Variants in COL6A5 observed in about 807,000 individuals in gnomAD.
COL6A5 encodes the protein collagen type VI alpha 5 chain.
COL6A5 carries 48 observed loss-of-function variants against 65.6 expected under a neutral mutation model. That is an observed-to-expected ratio of 0.73 (90% CI 0.58 to 0.93). The LOEUF is 0.93. COL6A5 is among the 40% of genes least tolerant of loss of function. The pLI is 0.00. For missense variants in COL6A5, 914 were observed against 928.3 expected (o/e 0.98, Z 0.20); for synonymous variants, 291 against 322.8 (o/e 0.90, Z 1.05).
intron 10 of COL6A5, 148 bp from the exon 11 acceptor site, chr3:130,400,883 A>G (rs1053576392): frequency 3.5e-6 from 2 of 574,628 alleles, no homozygotes; most frequent in Non-Finnish European, 5.6e-6. Flanking sequence ...TAGTTTCTTC[A>G]TATGTCAGGA....
chr3:130,370,635 A>G (rs1194448598), intron 1 of COL6A5, among the ~76,000 whole-genome samples: 1 of 152,236 alleles, frequency 6.6e-6, no homozygotes, highest in Non-Finnish European at 1.5e-5. Context: ...TAATCAGAAT[A>G]ACTTATACAA....
At chr3:130,391,596 G>T (rs571899016) in exon 7 of COL6A5, 6 of 1,551,544 alleles carry the variant, frequency 3.9e-6, no homozygotes, top group Non-Finnish European at 5.2e-6. Context: ...AGAAACAAAG[G>T]CATCACCATC....
rs182005492 is a variant in COL6A5 at position 130,446,968 on chromosome 3, T to C, written c.1332+3402T>C. 2.4e-3 allele frequency among the ~76,000 whole-genome samples: 361 copies of C among 152,264 alleles called. 6 individuals carry two copies. Among genetic ancestry groups the C allele is most frequent in the East Asian group, 0.011 (57 of 5,168 alleles). Reference sequence around the variant, plus strand: ...TTGGGAGTGGGGAGTAGTTAAATCATGTTTTGGTTGTTCAGACTGTTTGGA... The same window carrying C: ...TTGGGAGTGGGGAGTAGTTAAATCACGTTTTGGTTGTTCAGACTGTTTGGA... On this transcript the variant is annotated intron_variant, in intron 4 of 7. Coordinates refer to ENST00000512836, the Ensembl canonical transcript of COL6A5.
chr3:130,470,255 C>G (rs968463159), intron 6 of COL6A5, among the ~76,000 whole-genome samples: 1 of 152,036 alleles, frequency 6.6e-6, no homozygotes, highest in African/African-American at 2.4e-5. Context: ...CTTGTAAGAT[C>G]AAACAAGTCC....
At chr3:130,389,252 T>G in intron 6 of COL6A5, 118 bp downstream of exon 6, 1 of 602,778 alleles carries the variant, frequency 1.7e-6, no homozygotes, top group Non-Finnish European at 2.5e-6. Flanking sequence ...TAAGTTTTGG[T>G]CTTCTTTATG....
At chr3:130,415,130 G>T (rs1480065110) in intron 22 of COL6A5, among the ~76,000 whole-genome samples, 2 of 152,084 alleles carry the variant, frequency 1.3e-5, no homozygotes, top group Non-Finnish European at 2.9e-5. Context: ...AAACGTTACT[G>T]CCACCTCTAG....
intron 7 of COL6A5, among the ~76,000 whole-genome samples, chr3:130,480,136 A>T (rs1024359650): frequency 9.9e-5 from 15 of 152,086 alleles, no homozygotes; most frequent in Admixed American, 9.2e-4. Flanking sequence ...ATCAATTCTG[A>T]TATTAAATCT....
chr3:130,390,261 A>G (rs559931072), intron 6 of COL6A5, among the ~76,000 whole-genome samples: 1 of 152,280 alleles, frequency 6.6e-6, no homozygotes, highest in Admixed American at 6.5e-5. Context: ...TGACTCATGC[A>G]TTAGATTGTC....
chr3:130,410,416 G>A, intron 19 of COL6A5, 55 bp from the exon 20 acceptor site: 12 of 1,335,732 alleles, frequency 9.0e-6, no homozygotes, highest in Non-Finnish European at 1.3e-5. Context: ...TGATGCCTTT[G>A]TGATTTATTC....
Position 130,431,481 on chromosome 3 carries a change from T to A in COL6A5, c.21T>A (p.Tyr7Ter). 2 of 1,550,526 alleles carry A rather than the reference T, an allele frequency of 1.3e-6. No individual in the cohort carries two copies. Among genetic ancestry groups the A allele is most frequent in the African/African-American group, 2.7e-5 (2 of 73,056 alleles). ...TTTTTCTAGAAAAATGTCCAGCATA[T>A]CCAACAGAGCTAGTATTTGCTCTGG... The change falls in exon 1 of 8, where the codon TAT (tyrosine) becomes TAA (stop). Residue 7 changes from tyrosine (Y) to a stop codon, truncating the protein, a stop_gained. Coordinates refer to ENST00000512836, the Ensembl canonical transcript of COL6A5. LOFTEE classifies it high-confidence loss of function.
At chr3:130,391,391 A>G (rs983532058) in exon 7 of COL6A5, 12 of 1,551,600 alleles carry the variant, frequency 7.7e-6, no homozygotes, top group African/African-American at 1.4e-5. Flanking sequence ...CAGATCAGCA[A>G]TAATTGAGAA....
intron 24 of COL6A5, among the ~76,000 whole-genome samples, chr3:130,418,351 C>G (rs1448645758): frequency 6.6e-6 from 1 of 152,036 alleles, no homozygotes; most frequent in African/African-American, 2.4e-5. Context: ...TGACATACAA[C>G]TCATCCTTCA....
exon 1 of COL6A5, chr3:130,431,672 A>G: frequency 2.6e-6 from 4 of 1,551,648 alleles, no homozygotes; most frequent in Non-Finnish European, 2.6e-6. Context: ...TGGTCTGACT[A>G]CAATAGGAAG....
At position 130,462,715 on chromosome 3, in the gene COL6A5, G is replaced by T. The variant is rs188175502; in HGVS notation, c.1545-6080G>T. Among the ~76,000 whole-genome samples the T allele has an allele frequency of 7.9e-5, 12 of 152,240 alleles. No homozygotes were observed. The East Asian group carries it at 2.3e-3, about 29-fold the overall frequency. On this transcript the variant is annotated intron_variant, in intron 5 of 7. Coordinates refer to ENST00000512836, the Ensembl canonical transcript of COL6A5. ...CACTGTTCTACAATGCCTAAGAAGAGAAAAATTACAAATTGCATTTAGTTC... is the reference window on the plus strand; with the variant it reads ...CACTGTTCTACAATGCCTAAGAAGATAAAAATTACAAATTGCATTTAGTTC...
At chr3:130,395,252 C>A in exon 8 of COL6A5, 1 of 1,551,646 alleles carries the variant, frequency 6.4e-7, no homozygotes, top group Non-Finnish European at 8.7e-7. Flanking sequence ...ATCTGGAGAT[C>A]CTCGCTATGA....
chr3:130,351,119 G>C (rs1422153254), intron 1 of COL6A5, among the ~76,000 whole-genome samples: 1 of 152,168 alleles, frequency 6.6e-6, no homozygotes, highest in Non-Finnish European at 1.5e-5. Flanking sequence ...TATGTAGAAA[G>C]CTGAAACTGG....
intron 10 of COL6A5, among the ~76,000 whole-genome samples, chr3:130,399,715 TTTCCCATTC>T (rs1450205542): frequency 8.8e-5 from 13 of 147,826 alleles, no homozygotes; most frequent in Non-Finnish European, 1.6e-4. Flanking sequence ...GAAACTATTT[TTTCCCATTC>T]TTCCCATTCT....
At chr3:130,355,753 A>G (rs1349147977) in intron 1 of COL6A5, among the ~76,000 whole-genome samples, 1 of 152,086 alleles carries the variant, frequency 6.6e-6, no homozygotes, top group East Asian at 1.9e-4. Flanking sequence ...AGAATTATGT[A>G]TTTAAAAGAG....
chr3:130,362,486 T>C (rs1254598581), intron 1 of COL6A5, among the ~76,000 whole-genome samples: 2 of 151,912 alleles, frequency 1.3e-5, no homozygotes, highest in African/African-American at 4.8e-5. Context: ...GACTGTTCCA[T>C]TGATTTGTCT....
Sources: gnomAD v4.1 joint callset for allele counts (sites outside exome capture counted in the v4.1 genomes callset) on GRCh38, gnomAD v4.1.1 for gene constraint, MANE v1.5 for transcripts, NCBI Gene and HGNC (gene_info 2026-07-23, HGNC 2026-07-21) for gene names.